COL10A1: variants seen among roughly 807,000 people sequenced by gnomAD.
COL10A1 encodes the protein collagen type X alpha 1 chain, also known as collagen alpha-1(X) chain.
In COL10A1, 10 loss-of-function variants were observed where a neutral mutation model predicts 18.2. That is an observed-to-expected ratio of 0.55 (90% CI 0.34 to 0.93). The LOEUF (loss-of-function observed/expected upper bound fraction) is 0.93. Among genes scored for constraint, COL10A1 ranks in the 40% least tolerant of loss-of-function variants. The pLI, the probability that COL10A1 is intolerant of heterozygous loss-of-function variation, is 0.02. For synonymous variants in COL10A1, 330 were observed against 316.6 expected (o/e 1.04, Z -0.45); for missense variants, 897 against 853.5 (o/e 1.05, Z -0.64).
the COL10A1 span, among the ~76,000 whole-genome samples, chr6:116,168,206 C>CT: frequency 6.7e-6 from 1 of 149,836 alleles, no homozygotes; most frequent in East Asian, 2.0e-4. Flanking sequence ...CTCCTTTTCT[C>CT]TTTTCTCTCT....
At chr6:116,170,822 T>C in the COL10A1 span, among the ~76,000 whole-genome samples, 1 of 152,128 alleles carries the variant, frequency 6.6e-6, no homozygotes, top group African/African-American at 2.4e-5. Flanking sequence ...ATCTTGCAGT[T>C]CTCACTCCCA....
At chr6:116,185,673 A>G in the COL10A1 span, among the ~76,000 whole-genome samples, 3 of 152,072 alleles carry the variant, frequency 2.0e-5, no homozygotes, top group African/African-American at 7.2e-5. Flanking sequence ...TGTCTGATGT[A>G]AGAATAGCTA....
At chr6:116,158,447 CTT>C (rs1042854218) in intron 1 of COL10A1, among the ~76,000 whole-genome samples, 6 of 152,042 alleles carry the variant, frequency 3.9e-5, no homozygotes, top group African/African-American at 1.4e-4. Context: ...AAGATAAAAA[CTT>C]AGCAATCTTA....
chr6:116,178,396 G>A, the COL10A1 span, among the ~76,000 whole-genome samples: 5 of 152,150 alleles, frequency 3.3e-5, no homozygotes, highest in African/African-American at 9.7e-5. Flanking sequence ...TCATAAAGGC[G>A]ATAGAAAGAA....
chr6:116,124,195 A>G (rs1216863536), intron 2 of COL10A1, among the ~76,000 whole-genome samples: 1 of 152,130 alleles, frequency 6.6e-6, no homozygotes, highest in African/African-American at 2.4e-5. Flanking sequence ...ACAATTCTAT[A>G]AGTTTCATTG....
chr6:116,148,564 A>C (rs544806691), intron 1 of COL10A1, among the ~76,000 whole-genome samples: 2 of 152,306 alleles, frequency 1.3e-5, no homozygotes, highest in African/African-American at 4.8e-5. Context: ...TGAACATGTT[A>C]ATTAATAGAA....
At chr6:116,183,728 A>T in the COL10A1 span, among the ~76,000 whole-genome samples, 1 of 151,734 alleles carries the variant, frequency 6.6e-6, no homozygotes, top group Non-Finnish European at 1.5e-5. Flanking sequence ...TAGCAGGGCT[A>T]CTCATTTTTG....
intron 1 of COL10A1, among the ~76,000 whole-genome samples, chr6:116,153,704 G>T (rs1240213503): frequency 6.6e-6 from 1 of 152,116 alleles, no homozygotes; most frequent in Non-Finnish European, 1.5e-5. Context: ...ACTGGCAACA[G>T]ACAGTTGGAG....
chr6:116,194,254 G>A, the COL10A1 span, among the ~76,000 whole-genome samples: 1 of 151,976 alleles, frequency 6.6e-6, no homozygotes, highest in South Asian at 2.1e-4. Flanking sequence ...TCAAATGACG[G>A]AGTTTATAAA....
At chr6:116,177,976 C>T in the COL10A1 span, among the ~76,000 whole-genome samples, 1 of 152,060 alleles carries the variant, frequency 6.6e-6, no homozygotes, top group Non-Finnish European at 1.5e-5. Flanking sequence ...CTACCTTTCA[C>T]TGCAGCATCA....
chr6:116,163,657 G>A (rs571472928), upstream of COL10A1, among the ~76,000 whole-genome samples: 6 of 152,078 alleles, frequency 3.9e-5, no homozygotes, highest in East Asian at 1.2e-3. Context: ...ACTTCTGCTA[G>A]TTTTGGGTTT....
At chr6:116,166,805 A>C in the COL10A1 span, among the ~76,000 whole-genome samples, 2 of 152,172 alleles carry the variant, frequency 1.3e-5, no homozygotes, top group Non-Finnish European at 2.9e-5. Flanking sequence ...CCCTGATGTA[A>C]ACTTCATCAC....
chr6:116,135,170 C>T (rs2114343157), intron 1 of COL10A1, among the ~76,000 whole-genome samples: 1 of 152,240 alleles, frequency 6.6e-6, no homozygotes, highest in Admixed American at 6.5e-5. Flanking sequence ...TTTCCCTGCT[C>T]AGCCTACCTG....
At chr6:116,213,892 A>C in the COL10A1 span, among the ~76,000 whole-genome samples, 5 of 151,936 alleles carry the variant, frequency 3.3e-5, no homozygotes, top group South Asian at 1.0e-3. Flanking sequence ...TGAGATGGAT[A>C]CTTTACCCAC....
chr6:116,207,835 T>A, the COL10A1 span, among the ~76,000 whole-genome samples: 118 of 152,074 alleles, frequency 7.8e-4, no homozygotes, highest in Admixed American at 3.5e-3. Context: ...CTTTCTTTAC[T>A]CTGTGCCTCA....
upstream of COL10A1, among the ~76,000 whole-genome samples, chr6:116,130,722 G>A (rs764569683): frequency 1.3e-5 from 2 of 151,976 alleles, no homozygotes; most frequent in Admixed American, 6.6e-5. Context: ...CAGGACCACA[G>A]GTGTTTACTT....
At chr6:116,150,813 A>G (rs1780020353) in intron 1 of COL10A1, among the ~76,000 whole-genome samples, 1 of 152,232 alleles carries the variant, frequency 6.6e-6, no homozygotes, top group Admixed American at 6.5e-5. Context: ...TTGGAGTCTT[A>G]TATATCTAGT....
At chr6:116,126,452 C>T (rs1349186670), upstream of COL10A1, among the ~76,000 whole-genome samples, 3 of 152,072 alleles carry the variant, frequency 2.0e-5, no homozygotes, top group Non-Finnish European at 4.4e-5. Context: ...TTGAAAAGCA[C>T]ATTCTTATGT....
chr6:116,168,601 C>T, the COL10A1 span, among the ~76,000 whole-genome samples: 1 of 151,980 alleles, frequency 6.6e-6, no homozygotes, highest in African/African-American at 2.4e-5. Context: ...GGATCTGGTT[C>T]TGTCGTGTAT....
Sources: allele counts gnomAD v4.1 joint callset (sites outside exome capture counted in the v4.1 genomes callset), GRCh38; gene constraint gnomAD v4.1.1; transcripts MANE v1.5; gene names NCBI Gene and HGNC (gene_info 2026-07-23, HGNC 2026-07-21).